ATXN1: variants seen among roughly 807,000 people sequenced by gnomAD.
ATXN1 encodes ataxin-1.
Under a neutral mutation model 56.4 loss-of-function variants are expected in ATXN1, and 8 were observed. That is an observed-to-expected ratio of 0.14 (90% CI 0.08 to 0.26). ATXN1 has a LOEUF of 0.26. ATXN1 is among the 10% of genes least tolerant of loss of function. ATXN1 has a pLI of 1.00. For missense variants in ATXN1, 987 were observed against 1,106.5 expected, an observed-to-expected ratio of 0.89 and a Z score of 1.53; for synonymous variants, 514 against 494.6, an observed-to-expected ratio of 1.04 and a Z score of -0.52.
chr6:16,432,003 G>C (rs1759294732), intron 6 of ATXN1, among the ~76,000 whole-genome samples: 2 of 152,132 alleles, frequency 1.3e-5, no homozygotes, highest in African/African-American at 4.8e-5. Context: ...AAACATGTGA[G>C]GGTATCCAGA....
Position 16,662,946 on chromosome 6 carries a change from T to C in ATXN1, c.-614-5045A>G, listed in dbSNP as rs187111081. On this transcript the variant is annotated intron_variant, in intron 2 of 7. Transcript: ENST00000436367. ...GAAAAGAACAAGATACTGAATAAGA[T>C]AGCCACAGTATTTTCTGTTTGGATT... Among the ~76,000 whole-genome samples, 5 of 150,874 alleles carry C rather than the reference T, an allele frequency of 3.3e-5. No individual in the cohort carries two copies. In the East Asian group the frequency reaches 5.9e-4, roughly 18 times the overall value.
At chr6:16,736,723 A>G (rs1167314276) in intron 2 of ATXN1, 1 of 152,222 alleles carries the variant, frequency 6.6e-6, no homozygotes, top group Non-Finnish European at 1.5e-5. Flanking sequence ...CTTTCCAGAG[A>G]GCAGAAATTC....
chr6:16,756,139 AAATAT>A (rs1392175385), intron 1 of ATXN1, among the ~76,000 whole-genome samples: 1 of 152,072 alleles, frequency 6.6e-6, no homozygotes, highest in African/African-American at 2.4e-5. Flanking sequence ...AAATATCCAT[AAATAT>A]AATTATAAAA....
chr6:16,596,585 C>A (rs1762819998), intron 3 of ATXN1, among the ~76,000 whole-genome samples: 1 of 152,166 alleles, frequency 6.6e-6, no homozygotes, highest in Non-Finnish European at 1.5e-5. Context: ...GGCATTTTAT[C>A]CAGTGACTTA....
intron 6 of ATXN1, among the ~76,000 whole-genome samples, chr6:16,366,816 C>T (rs1761931199): frequency 6.6e-6 from 1 of 151,420 alleles, no homozygotes; most frequent in Non-Finnish European, 1.5e-5. Flanking sequence ...AAAACAGGCC[C>T]AAACCTCTAA....
At chr6:16,667,647 C>T (rs1334345804) in intron 2 of ATXN1, 1 of 152,236 alleles carries the variant, frequency 6.6e-6, no homozygotes, top group Non-Finnish European at 1.5e-5. Context: ...ATTTATGAAA[C>T]AAGCTCTGCA....
chr6:16,554,716 A>G (rs766335743), intron 4 of ATXN1, among the ~76,000 whole-genome samples: 1 of 145,180 alleles, frequency 6.9e-6, no homozygotes, highest in Non-Finnish European at 1.5e-5. Context: ...AGCGTCCCAA[A>G]GTGCTGGGAT....
chr6:16,478,960 C>A (rs1019840677), intron 6 of ATXN1, among the ~76,000 whole-genome samples: 2 of 152,172 alleles, frequency 1.3e-5, no homozygotes, highest in African/African-American at 4.8e-5. Flanking sequence ...GTGGGCAGGT[C>A]ACCTCCCAGT....
intron 3 of ATXN1, among the ~76,000 whole-genome samples, chr6:16,637,614 G>C (rs1305923698): frequency 1.3e-5 from 2 of 152,110 alleles, no homozygotes; most frequent in Non-Finnish European, 2.9e-5. Flanking sequence ...ATTCTTAGCA[G>C]GGAAAATCAC....
intron 3 of ATXN1, among the ~76,000 whole-genome samples, chr6:16,638,224 G>C (rs578095447): frequency 6.6e-6 from 1 of 151,734 alleles, no homozygotes; most frequent in African/African-American, 2.4e-5. Flanking sequence ...GTGGAGGATC[G>C]CTTGAGCCCA....
rs1163492530 is a variant in ATXN1, at chr6:16,739,820, C to G, written c.-615+13413G>C. On this transcript the variant is annotated intron_variant, in intron 2 of 7. Coordinates refer to ENST00000436367, the MANE Select transcript of ATXN1 (RefSeq NM_001128164.2). Reference sequence around the variant, plus strand: ...GACACATTATGCCTCCTGGCGAGTTCATAAACACTTTGAACGGCAAAGACA... The same window carrying G: ...GACACATTATGCCTCCTGGCGAGTTGATAAACACTTTGAACGGCAAAGACA... 8.8e-6 allele frequency: 4 copies of G among 456,634 alleles called. No homozygotes were observed. In the East Asian group the frequency reaches 2.8e-4, roughly 32 times the overall value. The allele number at this position is 456,634 out of a possible 1,614,324, so 28.3% of individuals were successfully genotyped here.
chr6:16,301,636 G>A lies in ATXN1; in HGVS notation c.*4693C>T, dbSNP rs1468164018. Reference sequence around the variant, plus strand: ...AATTCTCTCCTTTCACATCACCACCGAAGAAACCGAATTGGGCCATGGAGT... The same window carrying A: ...AATTCTCTCCTTTCACATCACCACCAAAGAAACCGAATTGGGCCATGGAGT... On this transcript the variant is annotated 3_prime_UTR_variant, in exon 8 of 8. Transcript: ENST00000436367. 1 of 151,568 alleles carries A rather than the reference G, an allele frequency of 6.6e-6. No individual in the cohort carries two copies. The highest frequency in any genetic ancestry group is 6.6e-5 in the Admixed American group (1 of 15,164). 9.4% of individuals were successfully genotyped at this position (151,568 alleles called of 1,614,324 possible).
At chr6:16,607,164 G>A (rs970840471) in intron 3 of ATXN1, among the ~76,000 whole-genome samples, 4 of 152,092 alleles carry the variant, frequency 2.6e-5, no homozygotes, top group Non-Finnish European at 4.4e-5. Flanking sequence ...ATGAGCCACC[G>A]CGTCCGGCCA....
chr6:16,423,830 C>G (rs1759085238), intron 6 of ATXN1, among the ~76,000 whole-genome samples: 2 of 152,286 alleles, frequency 1.3e-5, no homozygotes, highest in South Asian at 4.1e-4. Context: ...TTAGTGGTAC[C>G]TGATTATTCT....
chr6:16,503,182 C>T (rs1312148355), intron 5 of ATXN1, among the ~76,000 whole-genome samples: 5 of 152,108 alleles, frequency 3.3e-5, no homozygotes, highest in Admixed American at 1.3e-4. Flanking sequence ...TCGGTTCCTC[C>T]TACTCCTCAT....
At chr6:16,476,573 G>A (rs1461644448) in intron 6 of ATXN1, among the ~76,000 whole-genome samples, 1 of 151,026 alleles carries the variant, frequency 6.6e-6, no homozygotes, top group Non-Finnish European at 1.5e-5. Context: ...GTATCAAAAT[G>A]TACTTAATAG....
At chr6:16,652,167 C>T (rs1466590400) in intron 3 of ATXN1, 2 of 152,212 alleles carry the variant, frequency 1.3e-5, no homozygotes, top group Non-Finnish European at 2.9e-5. Context: ...TAACAAAAGG[C>T]ATTTTGGGTG....
In ATXN1 at chr6:16,753,217, A is replaced by G. The variant is rs1276395147; in HGVS notation, c.-615+16T>C. The G allele has an allele frequency of 6.6e-6, 3 of 456,576 alleles. No individual in the cohort carries two copies. The highest frequency in any genetic ancestry group is 2.3e-5 in the Admixed American group (1 of 42,580). 28.3% of individuals were successfully genotyped at this position (456,576 alleles called of 1,614,324 possible). On this transcript the variant is annotated intron_variant, in intron 2 of 7. Transcript: ENST00000436367. Reference sequence around the variant, plus strand: ...TATCCTCAGATGGAAAACAGAGAGCATCGCAAAACTCTCACCTGACATGTG... The same window carrying G: ...TATCCTCAGATGGAAAACAGAGAGCGTCGCAAAACTCTCACCTGACATGTG...
chr6:16,531,004 G>A (rs1240890427), intron 4 of ATXN1, among the ~76,000 whole-genome samples: 1 of 152,188 alleles, frequency 6.6e-6, no homozygotes, highest in Non-Finnish European at 1.5e-5. Flanking sequence ...CTAACAGCTA[G>A]CATAAGTTTA....
Sources: gnomAD v4.1 joint callset for allele counts (sites outside exome capture counted in the v4.1 genomes callset) on GRCh38, gnomAD v4.1.1 for gene constraint, MANE v1.5 for transcripts, NCBI Gene and HGNC (gene_info 2026-07-23, HGNC 2026-07-21) for gene names.